The following TALDO1 variants were observed in gnomAD, a reference collection of about 807,000 sequenced individuals.
TALDO1 encodes transaldolase 1, also known as transaldolase.
Under a neutral mutation model 38.1 loss-of-function variants are expected in TALDO1, and 29 were observed. That is an observed-to-expected ratio of 0.76 (90% confidence interval 0.57 to 1.04). The LOEUF (loss-of-function observed/expected upper bound fraction) is 1.04, where lower values mean the gene tolerates loss of function less well. Ranked by LOEUF, TALDO1 falls within the 50% of genes least tolerant of loss-of-function variation. TALDO1 has a pLI of 0.00. For missense variants in TALDO1, 499 were observed against 438.1 expected (o/e 1.14, Z -1.24); for synonymous variants, 207 against 176.8 (o/e 1.17, Z -1.36).
chr11:758,562 CAG>C (rs746153071), intron 2 of TALDO1, among the ~76,000 whole-genome samples: 6 of 151,100 alleles, frequency 4.0e-5, no homozygotes, highest in East Asian at 1.9e-4. Flanking sequence ...AAAGAAATAA[CAG>C]AATTTATTTT....
At chr11:764,493 G>A (rs889801568) in intron 7 of TALDO1, 60 bp downstream of exon 7, 31 of 1,590,646 alleles carry the variant, frequency 1.9e-5, no homozygotes, top group Middle Eastern at 3.3e-4. Flanking sequence ...GGGCCTGGGC[G>A]TCGGGGTTCA....
At chr11:758,889 G>A in intron 2 of TALDO1, 61 bp from the exon 3 acceptor site, 3 of 1,417,062 alleles carry the variant, frequency 2.1e-6, no homozygotes, top group Admixed American at 1.7e-5. Flanking sequence ...ACAGGCGTGA[G>A]CCACCGCACC....
At chr11:751,130 A>G (rs1028756579) in intron 1 of TALDO1, among the ~76,000 whole-genome samples, 1 of 152,084 alleles carries the variant, frequency 6.6e-6, no homozygotes, top group South Asian at 2.1e-4. Flanking sequence ...GTGGTGCAAC[A>G]CGGCTAACTG....
chr11:756,696 T>C (rs1862844414), intron 2 of TALDO1, among the ~76,000 whole-genome samples: 1 of 152,102 alleles, frequency 6.6e-6, no homozygotes, highest in Admixed American at 6.6e-5. Context: ...TTTTGTATTT[T>C]TGGTGGAGAC....
intron 1 of TALDO1, among the ~76,000 whole-genome samples, chr11:753,667 T>C (rs949114068): frequency 1.3e-5 from 2 of 151,962 alleles, no homozygotes; most frequent in Non-Finnish European, 2.9e-5. Flanking sequence ...GAGGTTGCAG[T>C]GAGCTGAGCT....
chr11:757,882 A>T (rs1211245527), intron 2 of TALDO1, among the ~76,000 whole-genome samples: 2 of 152,098 alleles, frequency 1.3e-5, no homozygotes, highest in Non-Finnish European at 2.9e-5. Context: ...CACGCCTGTA[A>T]CCCCAGTGCT....
Position 760,122 on chromosome 11 carries a change from G to A in TALDO1, c.330G>A (p.Arg110=), listed in dbSNP as rs141640651. 87 of 1,613,974 alleles carry A rather than the reference G, an allele frequency of 5.4e-5. No homozygotes were observed. The African/African-American group carries it at 1.1e-3, about 20-fold the overall frequency. The part of the protein sequence containing the change: ...PGRVSTEVDA[R]LSFDKDAMVA... Reference sequence around the variant, plus strand: ...GGATGGGTTCTTCTTGCTCCTACAGGCTCTCCTTTGATAAAGATGCGATGG... The same window carrying A: ...GGATGGGTTCTTCTTGCTCCTACAGACTCTCCTTTGATAAAGATGCGATGG... Residue 110 remains arginine (R), a splice_region_variant and synonymous_variant, in exon 4 of 8, where the codon AGG becomes AGA. Transcript: ENST00000319006.
At chr11:764,099 A>G in intron 6 of TALDO1, 155 bp downstream of exon 6, 1 of 1,343,254 alleles carries the variant, frequency 7.4e-7, no homozygotes. Context: ...TGGCTTTCCT[A>G]ACACATCTCA....
intron 1 of TALDO1, among the ~76,000 whole-genome samples, chr11:753,992 TA>T (rs1357106411): frequency 1.3e-5 from 2 of 151,872 alleles, no homozygotes; most frequent in South Asian, 2.1e-4. Flanking sequence ...AAAACTTTTT[TA>T]TTTTTTTTTG....
intron 4 of TALDO1, among the ~76,000 whole-genome samples, chr11:763,084 T>C: frequency 6.7e-6 from 1 of 149,832 alleles, no homozygotes; most frequent in South Asian, 2.1e-4. Flanking sequence ...CTTACCGATT[T>C]GTTCTTAACA....
intron 4 of TALDO1, 25 bp from the exon 5 acceptor site, chr11:763,319 G>C (rs1362223392): frequency 1.9e-6 from 2 of 1,032,536 alleles, no homozygotes; most frequent in Admixed American, 2.2e-5. Flanking sequence ...CACCTGCCCC[G>C]CCCTCACCTG....
At chr11:760,284 C>G (rs1862907291) in intron 4 of TALDO1, 31 bp downstream of exon 4, 1 of 1,612,256 alleles carries the variant, frequency 6.2e-7, no homozygotes. Flanking sequence ...AAGGAGCTCT[C>G]AGAGATTTTT....
chr11:763,311 C>G, intron 4 of TALDO1, 33 bp from the exon 5 acceptor site: 1 of 864,466 alleles, frequency 1.2e-6, no homozygotes, highest in South Asian at 1.7e-5. Flanking sequence ...CCCGCCCTCA[C>G]CTGCCCCGCC....
rs1439625689 is a variant in TALDO1 at position 764,705 on chromosome 11, G to C, written c.982-108G>C. The C allele has an allele frequency of 3.8e-6, 6 of 1,561,812 alleles. No individual in the cohort carries two copies. In the African/African-American group the frequency reaches 5.4e-5, roughly 14 times the overall value. On this transcript the variant is annotated intron_variant, in intron 7 of 7. Coordinates refer to ENST00000319006, the MANE Select transcript of TALDO1 (RefSeq NM_006755.2). ...ACCCTGTGGCCGTGGCCCCCACACA[G>C]AGTGCAGACCCCACAAGGGCCTCCC...
intron 2 of TALDO1, among the ~76,000 whole-genome samples, chr11:756,800 G>A (rs1367388865): frequency 6.6e-6 from 1 of 152,120 alleles, no homozygotes; most frequent in Non-Finnish European, 1.5e-5. Context: ...TTACAGACGT[G>A]AGCCACCGTG....
chr11:756,131 T>C (rs1564991405), intron 2 of TALDO1, 129 bp downstream of exon 2: 1 of 1,353,070 alleles, frequency 7.4e-7, no homozygotes, highest in South Asian at 1.4e-5. Flanking sequence ...ACCCTATCTT[T>C]TTGCCTATTT....
intron 3 of TALDO1, among the ~76,000 whole-genome samples, chr11:759,584 TTTTG>T (rs760237953): frequency 9.2e-5 from 14 of 151,610 alleles, no homozygotes; most frequent in Admixed American, 3.3e-4. Flanking sequence ...TTTTGATTTG[TTTTG>T]TTTGTTTTTT....
chr11:747,487 G>T lies in TALDO1; in HGVS notation c.6G>T (p.Ser2=), dbSNP rs766901533. The T allele has an allele frequency of 5.0e-6, 8 of 1,596,332 alleles. No individual in the cohort carries two copies. Among genetic ancestry groups the T allele is most frequent in the African/African-American group, 1.4e-5 (1 of 72,918 alleles). The change falls in exon 1 of 8, where the codon TCG becomes TCT. Residue 2 remains serine (S), a synonymous_variant. Coordinates refer to ENST00000319006, the MANE Select transcript of TALDO1 (RefSeq NM_006755.2). M[S]SSPVKRQRME... ...GCAGACCCCTCGGTCTTGCTATGTC[G>T]AGCTCACCCGTGAAGCGTCAGAGGA...
In TALDO1 at chr11:747,511, G is replaced by T; in HGVS notation, c.30G>T (p.Arg10Ser). 6.2e-7 allele frequency: 1 copy of T among 1,600,528 alleles called. No homozygotes were observed. Among genetic ancestry groups the T allele is most frequent in the Non-Finnish European group, 8.5e-7 (1 of 1,175,082 alleles). Residue 10 changes from arginine to serine, a missense_variant, in exon 1 of 8, where the codon AGG becomes AGT. Transcript: ENST00000319006. Reference protein sequence around the residue: MSSSPVKRQRMESALDQLKQ... With the variant: MSSSPVKRQSMESALDQLKQ... ...CGAGCTCACCCGTGAAGCGTCAGAG[G>T]ATGGAGTCCGCGCTGGACCAGCTCA...
Sources: gnomAD v4.1 joint callset for allele counts (sites outside exome capture counted in the v4.1 genomes callset) on GRCh38, gnomAD v4.1.1 for gene constraint, MANE v1.5 for transcripts, NCBI Gene and HGNC (gene_info 2026-07-23, HGNC 2026-07-21) for gene names.